The following SLTM variants were observed in gnomAD, a reference collection of about 807,000 sequenced individuals.
SLTM encodes the protein SAFB like transcription modulator.
A neutral mutation model predicts 134.6 loss-of-function variants in SLTM; 43 were observed. The observed-to-expected ratio is 0.32, with a 90% CI of 0.25 to 0.41. The LOEUF (loss-of-function observed/expected upper bound fraction) is 0.41, where lower values mean the gene tolerates loss of function less well. SLTM is among the 10% of genes least tolerant of loss of function. The pLI, the probability that SLTM is intolerant of heterozygous loss-of-function variation, is 1.00. For missense variants in SLTM, 1,055 were observed against 1,288.8 expected (o/e 0.82, Z 2.78); for synonymous variants, 424 against 432.3 (o/e 0.98, Z 0.24).
chr15:58,886,890 A>G, intron 19 of SLTM, 85 bp downstream of exon 19: 1 of 1,518,066 alleles, frequency 6.6e-7, no homozygotes, highest in Non-Finnish European at 9.0e-7. Flanking sequence ...AAGCCACATC[A>G]AAATGCTACT....
chr15:58,903,723 AAAAG>A (rs2035660074), intron 5 of SLTM, among the ~76,000 whole-genome samples: 3 of 151,986 alleles, frequency 2.0e-5, no homozygotes, highest in Admixed American at 2.0e-4. Flanking sequence ...TGGAAAAAAA[AAAAG>A]AATGTGCATC....
chr15:58,918,706 T>C (rs186672726), intron 2 of SLTM, among the ~76,000 whole-genome samples: 86 of 152,352 alleles, frequency 5.6e-4, no homozygotes, highest in Middle Eastern at 3.4e-3. Context: ...ATTCCCTTTG[T>C]AGATTAATGC....
intron 3 of SLTM, among the ~76,000 whole-genome samples, chr15:58,914,490 G>A (rs2036494136): frequency 6.6e-6 from 1 of 152,218 alleles, no homozygotes; most frequent in South Asian, 2.1e-4. Context: ...CGAGAGGTGG[G>A]CATAGAGAAT....
intron 19 of SLTM, 40 bp downstream of exon 19, chr15:58,886,935 T>C: frequency 6.2e-7 from 1 of 1,610,882 alleles, no homozygotes; most frequent in Non-Finnish European, 8.5e-7. Flanking sequence ...CCTCTAAATG[T>C]ATGTGTGCAG....
chr15:58,912,844 G>A (rs1486866528), intron 4 of SLTM: 2 of 453,726 alleles, frequency 4.4e-6, no homozygotes, highest in Non-Finnish European at 8.0e-6. Flanking sequence ...ATTAGGGTAG[G>A]TAGAAGGGAA....
At chr15:58,886,497 G>A (rs1163059386) in intron 19 of SLTM, among the ~76,000 whole-genome samples, 1 of 151,964 alleles carries the variant, frequency 6.6e-6, no homozygotes, top group East Asian at 1.9e-4. Context: ...AAATTCCTGA[G>A]CTCAGGCGAT....
rs2033942754 is a variant in SLTM at position 58,883,798 on chromosome 15, G to A, written c.2836-12C>T. 1.9e-6 allele frequency: 3 copies of A among 1,612,302 alleles called. No individual in the cohort carries two copies. Among genetic ancestry groups the A allele is most frequent in the Non-Finnish European group, 2.5e-6 (3 of 1,178,612 alleles). On this transcript the variant is annotated splice_polypyrimidine_tract_variant and intron_variant, in intron 19 of 20. Transcript: ENST00000380516. The stretch of plus-strand genomic sequence containing the variant: ...TCCTCAGGATAGTGCTAAAAGAATA[G>A]CATATGAAAAGTCACTTGGCCGGGC...
rs761464768 is a variant in SLTM at position 58,893,859 on chromosome 15, G to A, written c.1610C>T (p.Ser537Leu). 1 of 1,612,756 alleles carries A rather than the reference G, an allele frequency of 6.2e-7. No homozygotes were observed. The highest frequency in any genetic ancestry group is 8.5e-7 in the Non-Finnish European group (1 of 1,179,700). Residue 537 changes from serine (S) to leucine (L), a missense_variant, in exon 12 of 21, where the codon TCA becomes TTA. Coordinates refer to ENST00000380516, the MANE Select transcript of SLTM (RefSeq NM_024755.4). ...TTCTTCACTTTTTTTAATCGATTCTGATGTTTGGCCACTTGCTCCATTATC... is the reference window on the plus strand; with the variant it reads ...TTCTTCACTTTTTTTAATCGATTCTAATGTTTGGCCACTTGCTCCATTATC... ...KNDNGASGQT[S>L]ESIKKSEEKK... is the part of the protein sequence containing the mutation.
intron 14 of SLTM, 103 bp downstream of exon 14, chr15:58,892,794 A>G: frequency 8.1e-7 from 1 of 1,230,638 alleles, no homozygotes; most frequent in Non-Finnish European, 1.2e-6. Context: ...TAAGGTGGCA[A>G]ACAGTTTTCT....
At chr15:58,919,005 C>G (rs1468537927) in intron 2 of SLTM, among the ~76,000 whole-genome samples, 1 of 151,950 alleles carries the variant, frequency 6.6e-6, no homozygotes, top group Non-Finnish European at 1.5e-5. Flanking sequence ...ACCTCTGCCT[C>G]CCGAGTTCAA....
chr15:58,903,228 T>C (rs1265355125), intron 5 of SLTM, among the ~76,000 whole-genome samples: 1 of 151,996 alleles, frequency 6.6e-6, no homozygotes, highest in East Asian at 1.9e-4. Context: ...AGAGACGGGG[T>C]TTCACCATGT....
At chr15:58,896,271 T>A (rs2035069188) in intron 9 of SLTM, among the ~76,000 whole-genome samples, 1 of 152,076 alleles carries the variant, frequency 6.6e-6, no homozygotes, top group Non-Finnish European at 1.5e-5. Context: ...TAGGTTTATA[T>A]ATTTAGGCGT....
intron 14 of SLTM, among the ~76,000 whole-genome samples, chr15:58,891,775 C>A (rs898720408): frequency 6.6e-6 from 1 of 152,096 alleles, no homozygotes; most frequent in Non-Finnish European, 1.5e-5. Context: ...TAAGCCATTA[C>A]ATTTTTTTCT....
chr15:58,896,231 T>C (rs1455728149), intron 9 of SLTM, among the ~76,000 whole-genome samples: 1 of 152,170 alleles, frequency 6.6e-6, no homozygotes, highest in Non-Finnish European at 1.5e-5. Context: ...TGTGTACTTT[T>C]CCTTCACAAG....
At position 58,887,252 on chromosome 15, in the gene SLTM, G is replaced by A. The variant is rs1341050903; in HGVS notation, c.2664C>T (p.Ser888=). 5 of 1,614,108 alleles carry A rather than the reference G, an allele frequency of 3.1e-6. 1 individual carries two copies. In the South Asian group the frequency reaches 5.5e-5, roughly 18 times the overall value. ...SRPTSWKSEG[S]MSTDKRETRV... The stretch of plus-strand genomic sequence containing the variant: ...TTGTTTCCCGTTTGTCAGTGGACAT[G>A]CTTCCTTCACTTTTCCAGCTGGTGG... The change falls in exon 18 of 21, where the codon AGC becomes AGT. Residue 888 remains serine (S), a synonymous_variant. Coordinates refer to ENST00000380516, the MANE Select transcript of SLTM (RefSeq NM_024755.4).
intron 12 of SLTM, among the ~76,000 whole-genome samples, 161 bp downstream of exon 12, chr15:58,893,660 G>A (rs1215472268): frequency 6.6e-6 from 1 of 152,114 alleles, no homozygotes; most frequent in Non-Finnish European, 1.5e-5. Flanking sequence ...TTTCCCCAGA[G>A]TAGAAAAGAA....
intron 14 of SLTM, 83 bp downstream of exon 14, chr15:58,892,814 C>T (rs2034770318): frequency 7.1e-7 from 1 of 1,412,688 alleles, no homozygotes; most frequent in Non-Finnish European, 9.7e-7. Flanking sequence ...TGTGGGAATA[C>T]AATTTCCAGA....
rs533397412 is a variant in SLTM, at chr15:58,894,149, A to G, written c.1422T>C (p.Asp474=). Residue 474 remains aspartate (D), a synonymous_variant, in exon 11 of 21, where the codon GAT becomes GAC. Transcript: ENST00000380516. ...PSKKEMKKEN[D]EKSSSRSSGD... is the part of the protein sequence containing the mutation. ...CAGAACTTCTTGAACTACTCTTTTC[A>G]TCATTTTCTTTCTTCATTTCTTTCT... 14 of 1,612,100 alleles carry G rather than the reference A, an allele frequency of 8.7e-6. 1 individual carries two copies. In the South Asian group the frequency reaches 8.8e-5, roughly 10 times the overall value.
chr15:58,887,299 C>G lies in SLTM; in HGVS notation c.2617G>C (p.Ala873Pro). The G allele has an allele frequency of 6.2e-7, 1 of 1,614,108 alleles. No individual in the cohort carries two copies. Among genetic ancestry groups the G allele is most frequent in the Non-Finnish European group, 8.5e-7 (1 of 1,180,022 alleles). Reference protein sequence around the residue: ...DITHPRHPREAGPNPSRPTSW... With the variant: ...DITHPRHPREPGPNPSRPTSW... ...GTGGGTCTGGAAGGATTGGGCCCTG[C>G]CTCTCGAGGATGTCTAGGATGAGTG... Residue 873 changes from alanine (A) to proline (P), a missense_variant, in exon 18 of 21, where the codon GCA becomes CCA. Physicochemically the swap from Ala to Pro is conservative, Grantham distance 27. Around this residue, in one of 3 missense-constraint regions of SLTM, gnomAD observed 776 missense variants for 962.2 expected, o/e 0.81. Transcript: ENST00000380516.
Sources: gnomAD v4.1 joint callset for allele counts (sites outside exome capture counted in the v4.1 genomes callset) on GRCh38, gnomAD v4.1.1 for gene constraint, gnomAD v4.1.1 regional missense constraint, MANE v1.5 for transcripts, NCBI Gene and HGNC (gene_info 2026-07-23, HGNC 2026-07-21) for gene names.